EPC2: variants seen among roughly 807,000 people sequenced by gnomAD.
The protein encoded by EPC2 is enhancer of polycomb 2.
EPC2 carries 14 observed loss-of-function variants against 92.1 expected under a neutral mutation model. The observed-to-expected ratio is 0.15, with a 90% confidence interval of 0.10 to 0.24. EPC2 has a LOEUF of 0.24. Among genes scored for constraint, EPC2 ranks in the 10% least tolerant of loss-of-function variants. EPC2 has a pLI of 1.00. For missense variants in EPC2, 755 were observed against 971.5 expected, an observed-to-expected ratio of 0.78 and a Z score of 2.96; for synonymous variants, 340 against 334.7, an observed-to-expected ratio of 1.02 and a Z score of -0.17.
At chr2:148,675,983 A>G (rs1482342769) in intron 1 of EPC2, among the ~76,000 whole-genome samples, 1 of 152,158 alleles carries the variant, frequency 6.6e-6, no homozygotes, top group East Asian at 1.9e-4. Context: ...CAAGGATTCA[A>G]ATTTCATTCT....
chr2:148,770,986 G>T, intron 9 of EPC2, 49 bp downstream of exon 9: 1 of 1,598,284 alleles, frequency 6.3e-7, no homozygotes, highest in Non-Finnish European at 8.5e-7. Context: ...TGGAACAGAA[G>T]ACAAAGAGAA....
rs144868417 is a variant in EPC2 at position 148,739,833 on chromosome 2, C to CTT, written c.314-3765_314-3764dup. On this transcript the variant is annotated intron_variant, in intron 2 of 13. Coordinates refer to ENST00000258484, the MANE Select transcript of EPC2 (RefSeq NM_015630.4). ...TTCTTCCTTTTCTTTTCTTCTTCTT[C>CTT]TTTTTTTTTTTTTTTTTTTTTTTTT... is the stretch of plus-strand genomic sequence containing the variant. Among the ~76,000 whole-genome samples the CTT allele has an allele frequency of 5.4e-3, 440 of 81,272 alleles. 3 individuals carry two copies. The highest frequency in any genetic ancestry group is 0.018 in the African/African-American group (391 of 21,638). 53.3% of individuals were successfully genotyped at this position (81,272 alleles called of 152,430 possible). A position where few individuals can be genotyped will look rare whatever the true frequency, so the allele number is the denominator to read the frequency against.
chr2:148,715,025 GTTTTTTT>G (rs60115354), intron 2 of EPC2, among the ~76,000 whole-genome samples: 2 of 86,860 alleles, frequency 2.3e-5, no homozygotes, highest in Admixed American at 1.2e-4. Flanking sequence ...TTCTTCTAGG[GTTTTTTT>G]TTTTTTTTTT....
intron 4 of EPC2, among the ~76,000 whole-genome samples, chr2:148,756,346 A>G (rs1683190731): frequency 1.3e-5 from 2 of 152,200 alleles, no homozygotes. Context: ...AGAAATGTTT[A>G]TGTGATTTGA....
intron 3 of EPC2, among the ~76,000 whole-genome samples, chr2:148,753,650 A>T (rs1193567415): frequency 6.6e-6 from 1 of 152,166 alleles, no homozygotes. Context: ...CCTGAGGCAT[A>T]TATTTATTAT....
intron 4 of EPC2, among the ~76,000 whole-genome samples, chr2:148,761,523 CATTGAAATT>C (rs1291101650): frequency 6.6e-6 from 1 of 152,148 alleles, no homozygotes; most frequent in African/African-American, 2.4e-5. Flanking sequence ...TGTTTGTTTA[CATTGAAATT>C]ATCTCTTTAT....
chr2:148,684,075 C>CA, intron 1 of EPC2, among the ~76,000 whole-genome samples: 1 of 152,182 alleles, frequency 6.6e-6, no homozygotes, highest in East Asian at 1.9e-4. Context: ...AAGGTGGTAT[C>CA]TCATTGCAGT....
chr2:148,698,420 G>C (rs1010633114), intron 2 of EPC2, among the ~76,000 whole-genome samples: 1 of 151,838 alleles, frequency 6.6e-6, no homozygotes, highest in Non-Finnish European at 1.5e-5. Flanking sequence ...GGTGGATCAC[G>C]AGGTCAGGAG....
intron 1 of EPC2, among the ~76,000 whole-genome samples, chr2:148,661,033 A>G (rs1333025937): frequency 6.6e-6 from 1 of 151,980 alleles, no homozygotes; most frequent in Non-Finnish European, 1.5e-5. Context: ...CTACTTTTTC[A>G]GAGTTTACTG....
intron 2 of EPC2, among the ~76,000 whole-genome samples, chr2:148,698,058 T>A (rs1245808720): frequency 6.6e-6 from 1 of 151,934 alleles, no homozygotes. Flanking sequence ...AAAAAAAGGT[T>A]ACTGTACCTT....
intron 2 of EPC2, among the ~76,000 whole-genome samples, chr2:148,732,391 T>TTC (rs1345444462): frequency 6.6e-6 from 1 of 151,056 alleles, no homozygotes; most frequent in Non-Finnish European, 1.5e-5. Flanking sequence ...CTTTTTTTTT[T>TTC]TTTTTTTGAG....
At chr2:148,708,364 C>G (rs1682054353) in intron 2 of EPC2, among the ~76,000 whole-genome samples, 1 of 152,090 alleles carries the variant, frequency 6.6e-6, no homozygotes, top group Non-Finnish European at 1.5e-5. Flanking sequence ...AGCCTACCAA[C>G]CAAAAAAAGT....
chr2:148,664,458 G>A (rs7563895), intron 1 of EPC2, among the ~76,000 whole-genome samples: 27,871 of 152,108 alleles, frequency 0.18, 3,282 homozygotes, highest in East Asian at 0.49. Flanking sequence ...TGATCGCACC[G>A]CTGTCCTCCA....
Position 148,784,932 on chromosome 2 carries a change from C to G in EPC2, c.2282C>G (p.Ala761Gly). 6.4e-7 allele frequency: 1 copy of G among 1,573,144 alleles called. No individual in the cohort carries two copies. Among genetic ancestry groups the G allele is most frequent in the Non-Finnish European group, 8.6e-7 (1 of 1,158,440 alleles). Residue 761 changes from alanine (A) to glycine (G), a missense_variant, in exon 13 of 14, where the codon GCC becomes GGC. Transcript: ENST00000258484. ...SAPSPTALKL[A>G]TVAASMDRVP... ...CCATCGCCAACAGCCTTAAAACTTG[C>G]CACAGTTGCTGCCAGTATGGACAGA...
chr2:148,786,453 TCTGTGGATCACAGAGTGTAA>T lies in EPC2; in HGVS notation c.*78_*97del, dbSNP rs1488438652. The T allele has an allele frequency of 1.2e-5, 14 of 1,168,384 alleles. No homozygotes were observed. The highest frequency in any genetic ancestry group is 1.8e-5 in the Non-Finnish European group (14 of 796,290). The allele number at this position is 1,168,384 out of a possible 1,614,324, so 72.4% of individuals were successfully genotyped here. A position where few individuals can be genotyped will look rare whatever the true frequency, so the allele number is the denominator to read the frequency against. ...TCCAGCTGAATGCAAAAGGCAACAC[TCTGTGGATCACAGAGTGTAA>T]CAATGGACCTAAATGGACTATAGTA... On this transcript the variant is annotated 3_prime_UTR_variant, in exon 14 of 14. Coordinates refer to ENST00000258484, the MANE Select transcript of EPC2 (RefSeq NM_015630.4).
intron 1 of EPC2, among the ~76,000 whole-genome samples, chr2:148,660,180 AGGT>A: frequency 6.6e-6 from 1 of 152,296 alleles, no homozygotes. Flanking sequence ...GTATGTGAAT[AGGT>A]CTATGTGTGT....
At chr2:148,738,326 G>A (rs1238737665) in intron 2 of EPC2, among the ~76,000 whole-genome samples, 1 of 152,156 alleles carries the variant, frequency 6.6e-6, no homozygotes, top group Non-Finnish European at 1.5e-5. Context: ...GATACCCTGT[G>A]GATTGGAGTG....
chr2:148,708,690 A>G (rs1682064044), intron 2 of EPC2, among the ~76,000 whole-genome samples: 1 of 152,218 alleles, frequency 6.6e-6, no homozygotes, highest in Non-Finnish European at 1.5e-5. Flanking sequence ...CTGGTTCAAC[A>G]TATGCAAATC....
At chr2:148,772,055 T>C (rs2105432364) in intron 10 of EPC2, among the ~76,000 whole-genome samples, 1 of 152,242 alleles carries the variant, frequency 6.6e-6, no homozygotes, top group East Asian at 1.9e-4. Flanking sequence ...TGCCTCAGCC[T>C]CCCAAAGTGC....
Sources: gnomAD v4.1 joint callset for allele counts (sites outside exome capture counted in the v4.1 genomes callset) on GRCh38, gnomAD v4.1.1 for gene constraint, MANE v1.5 for transcripts, NCBI Gene and HGNC (gene_info 2026-07-23, HGNC 2026-07-21) for gene names.